Variants in RBFOX1 observed in about 807,000 individuals in gnomAD.
RBFOX1 encodes RNA binding protein fox-1 homolog 1.
A neutral mutation model predicts 57.7 loss-of-function variants in RBFOX1; 8 were observed. The ratio of observed to expected loss-of-function variants is 0.14; its 90% CI spans 0.08 to 0.25. The LOEUF is 0.25. RBFOX1 is among the 10% of genes least tolerant of loss of function. The probability of loss-of-function intolerance (pLI) is 1.00; values close to 1 mark genes in which losing one functional copy is unlikely to be tolerated. For missense variants in RBFOX1, 611 were observed against 548.5 expected (o/e 1.11, Z -1.14); for synonymous variants, 326 against 222.4 (o/e 1.47, Z -4.15).
At chr16:6,742,428 C>T (rs1207341556) in intron 3 of RBFOX1, among the ~76,000 whole-genome samples, 1 of 152,076 alleles carries the variant, frequency 6.6e-6, no homozygotes, top group Non-Finnish European at 1.5e-5. Flanking sequence ...TTTGTAGTTT[C>T]TTAAAATAAA....
intron 4 of RBFOX1, among the ~76,000 whole-genome samples, chr16:7,381,645 ATATTT>A (rs772322335): frequency 7.9e-5 from 12 of 151,940 alleles, no homozygotes; most frequent in South Asian, 6.2e-4. Context: ...ATTATTTTTC[ATATTT>A]TATTTTATTT....
intron 4 of RBFOX1, among the ~76,000 whole-genome samples, chr16:7,396,470 C>T (rs921406709): frequency 4.6e-5 from 7 of 151,866 alleles, no homozygotes; most frequent in Admixed American, 1.3e-4. Context: ...GCCATTTCTG[C>T]GCTTCCCTAC....
intron 4 of RBFOX1, among the ~76,000 whole-genome samples, chr16:7,452,867 G>A (rs1324843352): frequency 6.6e-6 from 1 of 152,114 alleles, no homozygotes; most frequent in East Asian, 1.9e-4. Context: ...AGTGGCTCAT[G>A]CCCAGAATCC....
At chr16:6,173,630 GA>G (rs2096979700) in intron 1 of RBFOX1, among the ~76,000 whole-genome samples, 1 of 37,212 alleles carries the variant, frequency 2.7e-5, no homozygotes, top group African/African-American at 1.6e-4. Flanking sequence ...TTTTTTTTGA[GA>G]TAGAGTCTCA....
chr16:6,973,210 T>C (rs1598800130), intron 3 of RBFOX1, among the ~76,000 whole-genome samples: 1 of 151,616 alleles, frequency 6.6e-6, no homozygotes, highest in African/African-American at 2.4e-5. Context: ...GGGGGCGGGG[T>C]TGGAGGATAT....
At chr16:7,448,939 T>TTTTTTTTTTTTG (rs1295320693) in intron 4 of RBFOX1, among the ~76,000 whole-genome samples, 1 of 143,750 alleles carries the variant, frequency 7.0e-6, no homozygotes, top group Non-Finnish European at 1.5e-5. Context: ...TTTTTTTTTT[T>TTTTTTTTTTTTG]TTTTTTTGAG....
chr16:5,758,684 T>G (rs1405070015), intron 3 of RBFOX1, among the ~76,000 whole-genome samples: 1 of 152,126 alleles, frequency 6.6e-6, no homozygotes, highest in African/African-American at 2.4e-5. Context: ...AATAAAGAAA[T>G]GATGTGTTGT....
At chr16:6,256,042 G>A (rs914742248) in intron 1 of RBFOX1, among the ~76,000 whole-genome samples, 12 of 149,132 alleles carry the variant, frequency 8.0e-5, no homozygotes, top group East Asian at 2.0e-4. Context: ...ATCCCAGAAC[G>A]TAAAGTTAAA....
At chr16:6,929,369 G>A (rs1428703388) in intron 3 of RBFOX1, among the ~76,000 whole-genome samples, 1 of 152,114 alleles carries the variant, frequency 6.6e-6, no homozygotes, top group African/African-American at 2.4e-5. Flanking sequence ...GAATCCCGGT[G>A]CACGTCACCA....
intron 3 of RBFOX1, among the ~76,000 whole-genome samples, chr16:6,966,047 A>T (rs1038202567): frequency 6.6e-6 from 1 of 152,178 alleles, no homozygotes; most frequent in Non-Finnish European, 1.5e-5. Flanking sequence ...TTATCTTAGA[A>T]ATAAGAACCT....
chr16:6,561,240 A>C (rs2097175445), intron 2 of RBFOX1, among the ~76,000 whole-genome samples: 1 of 152,150 alleles, frequency 6.6e-6, no homozygotes, highest in Non-Finnish European at 1.5e-5. Flanking sequence ...GAAAAGATTC[A>C]CGGGGGCAGG....
At chr16:5,675,131 G>A (rs2050126483) in intron 3 of RBFOX1, among the ~76,000 whole-genome samples, 1 of 152,034 alleles carries the variant, frequency 6.6e-6, no homozygotes. Context: ...CTGGGCAAAA[G>A]ATAGAGACCC....
chr16:7,160,191 GA>G (rs1466496209), intron 4 of RBFOX1, among the ~76,000 whole-genome samples: 69 of 150,634 alleles, frequency 4.6e-4, no homozygotes, highest in African/African-American at 1.7e-3. Flanking sequence ...TATGACTTTT[GA>G]CTTTTTTTTT....
intron 4 of RBFOX1, among the ~76,000 whole-genome samples, chr16:7,237,422 T>A (rs917667051): frequency 6.6e-6 from 1 of 152,230 alleles, no homozygotes; most frequent in African/African-American, 2.4e-5. Flanking sequence ...TATAGTTTTG[T>A]CTCTGGACCA....
intron 2 of RBFOX1, among the ~76,000 whole-genome samples, chr16:6,603,533 T>C (rs1355086673): frequency 6.6e-6 from 1 of 152,138 alleles, no homozygotes; most frequent in Non-Finnish European, 1.5e-5. Context: ...TTAGAAAACA[T>C]GCATGCCTTA....
intron 1 of RBFOX1, among the ~76,000 whole-genome samples, chr16:6,288,076 C>G (rs1030167510): frequency 1.3e-5 from 2 of 152,170 alleles, no homozygotes; most frequent in Non-Finnish European, 2.9e-5. Flanking sequence ...CACTTTGTGA[C>G]TTGATGTAAC....
At chr16:6,788,854 C>G (rs1178871119) in intron 3 of RBFOX1, among the ~76,000 whole-genome samples, 1 of 152,088 alleles carries the variant, frequency 6.6e-6, no homozygotes, top group African/African-American at 2.4e-5. Flanking sequence ...AATGGCATCG[C>G]CTCACTTCTG....
chr16:6,946,709 C>A (rs897496554), intron 3 of RBFOX1, among the ~76,000 whole-genome samples: 7 of 152,020 alleles, frequency 4.6e-5, no homozygotes, highest in Non-Finnish European at 1.0e-4. Flanking sequence ...CTCAAGTGAT[C>A]CTCTTGCCTG....
intron 2 of RBFOX1, among the ~76,000 whole-genome samples, chr16:6,630,783 C>A (rs1044239369): frequency 1.3e-5 from 2 of 152,038 alleles, no homozygotes; most frequent in African/African-American, 4.8e-5. Flanking sequence ...TTGTAGTTGA[C>A]CTATGTTACC....
Sources: gnomAD v4.1 joint callset for allele counts (sites outside exome capture counted in the v4.1 genomes callset) on GRCh38, gnomAD v4.1.1 for gene constraint, MANE v1.5 for transcripts, NCBI Gene and HGNC (gene_info 2026-07-23, HGNC 2026-07-21) for gene names.